The following KIF21A variants were observed in gnomAD, a reference collection of about 807,000 sequenced individuals.
The protein encoded by KIF21A is kinesin-like protein KIF21A.
Under a neutral mutation model 202.9 loss-of-function variants are expected in KIF21A, and 114 were observed. That is an observed-to-expected ratio of 0.56 (90% confidence interval 0.48 to 0.66). KIF21A has a LOEUF of 0.66. KIF21A is among the 30% of genes least tolerant of loss of function. The pLI, the probability that KIF21A is intolerant of heterozygous loss-of-function variation, is 0.00. For missense variants in KIF21A, 1,677 were observed against 1,994.9 expected, an observed-to-expected ratio of 0.84 and a Z score of 3.04; for synonymous variants, 667 against 670.8, an observed-to-expected ratio of 0.99 and a Z score of 0.09.
intron 36 of KIF21A, among the ~76,000 whole-genome samples, chr12:39,301,905 G>T (rs1190575978): frequency 6.6e-6 from 1 of 152,130 alleles, no homozygotes; most frequent in East Asian, 1.9e-4. Flanking sequence ...GCATATAAGG[G>T]CTATAATCTA....
chr12:39,365,661 CAT>C (rs984797401), intron 6 of KIF21A, among the ~76,000 whole-genome samples: 1 of 152,204 alleles, frequency 6.6e-6, no homozygotes, highest in Admixed American at 6.5e-5. Flanking sequence ...AAGTGACTGT[CAT>C]AAAATGTTAT....
At chr12:39,350,105 T>C (rs966568073) in intron 11 of KIF21A, among the ~76,000 whole-genome samples, 3 of 152,024 alleles carry the variant, frequency 2.0e-5, no homozygotes, top group Non-Finnish European at 4.4e-5. Context: ...TCTAATTATG[T>C]GTCTTTTTGT....
At chr12:39,413,980 A>C (rs1282047845) in intron 1 of KIF21A, among the ~76,000 whole-genome samples, 1 of 152,170 alleles carries the variant, frequency 6.6e-6, no homozygotes, top group Non-Finnish European at 1.5e-5. Flanking sequence ...ATTTTAAAAA[A>C]TTTACTTGTT....
At chr12:39,333,431 C>G in intron 17 of KIF21A, 151 bp from the exon 18 acceptor site, 1 of 654,508 alleles carries the variant, frequency 1.5e-6, no homozygotes, top group Non-Finnish European at 2.7e-6. Flanking sequence ...ATTACAGGTA[C>G]AGCTATTTTA....
chr12:39,353,385 A>G (rs1055671324), intron 10 of KIF21A, among the ~76,000 whole-genome samples: 2 of 152,158 alleles, frequency 1.3e-5, no homozygotes, highest in African/African-American at 4.8e-5. Context: ...GAGCAGAACA[A>G]TTACAGTGTT....
At chr12:39,360,334 C>T (rs1171127817) in intron 7 of KIF21A, among the ~76,000 whole-genome samples, 1 of 151,714 alleles carries the variant, frequency 6.6e-6, no homozygotes, top group East Asian at 1.9e-4. Context: ...AGTTATACTA[C>T]ACATCTTGAA....
rs1336933650 is a variant in KIF21A at position 39,337,206 on chromosome 12, A to G, written c.2311-3T>C. The G allele has an allele frequency of 6.3e-7, 1 of 1,575,370 alleles. No homozygotes were observed. Among genetic ancestry groups the G allele is most frequent in the Admixed American group, 1.7e-5 (1 of 59,918 alleles). Reference sequence around the variant, plus strand: ...TTCATTTGTTTCATTAGGCGAACCTAACCAATTAGGTATAGACATCTATTG... The same window carrying G: ...TTCATTTGTTTCATTAGGCGAACCTGACCAATTAGGTATAGACATCTATTG... On this transcript the variant is annotated splice_polypyrimidine_tract_variant and splice_region_variant and intron_variant, in intron 16 of 37. Coordinates refer to ENST00000361418, the MANE Select transcript of KIF21A (RefSeq NM_001173464.2).
At chr12:39,358,032 T>C in intron 8 of KIF21A, 146 bp downstream of exon 8, 1 of 611,462 alleles carries the variant, frequency 1.6e-6, no homozygotes, top group Non-Finnish European at 2.9e-6. Context: ...CAAGGAAAAC[T>C]AGAGACTCTT....
intron 1 of KIF21A, among the ~76,000 whole-genome samples, chr12:39,403,336 A>C (rs1319426649): frequency 6.6e-6 from 1 of 152,260 alleles, no homozygotes; most frequent in East Asian, 1.9e-4. Context: ...CCAAAATCTA[A>C]TCAGCATACT....
intron 10 of KIF21A, among the ~76,000 whole-genome samples, chr12:39,355,707 T>TTTTATATATATATATATATATATATA (rs1351512351): frequency 3.3e-4 from 33 of 101,226 alleles, no homozygotes; most frequent in South Asian, 1.6e-3. Context: ...GCATGAACAA[T>TTTTATATATATATATATATATATATA]TATATATATA....
chr12:39,327,011 G>T (rs1407499439), intron 24 of KIF21A, among the ~76,000 whole-genome samples: 1 of 151,936 alleles, frequency 6.6e-6, no homozygotes, highest in Non-Finnish European at 1.5e-5. Flanking sequence ...ATATAAAACT[G>T]TTAGGAAGTC....
Position 39,340,222 on chromosome 12 carries a change from C to T in KIF21A, c.2253G>A (p.Gln751=). ...EHARLLKNQS[Q]YEKQLKKLQQ... is the part of the protein sequence containing the mutation. ...GCAATTTCTTCAATTGCTTTTCATA[C>T]TGAGACTGATTTTTAAGCAACCTTG... is the stretch of plus-strand genomic sequence containing the variant. The change falls in exon 16 of 38, where the codon CAG becomes CAA. Residue 751 remains glutamine (Q), a synonymous_variant. Transcript: ENST00000361418. 6.2e-7 allele frequency: 1 copy of T among 1,613,140 alleles called. No homozygotes were observed. Among genetic ancestry groups the T allele is most frequent in the Non-Finnish European group, 8.5e-7 (1 of 1,179,626 alleles).
At chr12:39,393,309 G>C (rs1042323547) in intron 1 of KIF21A, among the ~76,000 whole-genome samples, 6 of 152,182 alleles carry the variant, frequency 3.9e-5, no homozygotes, top group African/African-American at 1.4e-4. Context: ...GCAGGATCTG[G>C]CTTCCCAGTA....
At chr12:39,313,020 G>A (rs964536132) in intron 31 of KIF21A, among the ~76,000 whole-genome samples, 9 of 151,936 alleles carry the variant, frequency 5.9e-5, no homozygotes, top group African/African-American at 1.9e-4. Context: ...CTTAATGAAA[G>A]AGAATAATCT....
At chr12:39,349,891 T>C (rs1460563225) in intron 11 of KIF21A, among the ~76,000 whole-genome samples, 1 of 152,018 alleles carries the variant, frequency 6.6e-6, no homozygotes, top group African/African-American at 2.4e-5. Flanking sequence ...ATTTTTTAGA[T>C]TCACAAATTA....
intron 34 of KIF21A, among the ~76,000 whole-genome samples, chr12:39,305,766 T>C (rs1943412217): frequency 6.6e-6 from 1 of 152,218 alleles, no homozygotes; most frequent in Non-Finnish European, 1.5e-5. Context: ...GTGATAGGCA[T>C]AGGACTGATT....
chr12:39,330,228 C>T lies in KIF21A; in HGVS notation c.3340+14G>A. 1.2e-6 allele frequency: 2 copies of T among 1,609,316 alleles called. No homozygotes were observed. Among genetic ancestry groups the T allele is most frequent in the Non-Finnish European group, 8.5e-7 (1 of 1,175,898 alleles). On this transcript the variant is annotated intron_variant, in intron 24 of 37. Transcript: ENST00000361418. ...ATGCAGCTGTAGGATACACAGAAAG[C>T]TAAACATACTTACCTAATGGTACGC...
Position 39,357,538 on chromosome 12 carries a change from C to T in KIF21A, c.1216-101G>A. 1.6e-5 allele frequency: 16 copies of T among 1,019,398 alleles called. No individual in the cohort carries two copies. The South Asian group carries it at 1.6e-4, about 10-fold the overall frequency. 63.1% of individuals were successfully genotyped at this position (1,019,398 alleles called of 1,614,324 possible). On this transcript the variant is annotated intron_variant, in intron 8 of 37. Transcript: ENST00000361418. ...AACTATACAATTCTCTAACCAAGAGCGTTTTCATCTTACCAACCCCAAGGC... is the reference window on the plus strand; with the variant it reads ...AACTATACAATTCTCTAACCAAGAGTGTTTTCATCTTACCAACCCCAAGGC...
chr12:39,318,061 A>G lies in KIF21A; in HGVS notation c.3908+12T>C, dbSNP rs1359989668. ...ATATAAATAATTGGGGCTCTTTTCC[A>G]TAATGACTTACTTATCCTGCTGAAC... On this transcript the variant is annotated intron_variant, in intron 29 of 37. Transcript: ENST00000361418. 1 of 1,610,968 alleles carries G rather than the reference A, an allele frequency of 6.2e-7. No individual in the cohort carries two copies. Among genetic ancestry groups the G allele is most frequent in the South Asian group, 1.1e-5 (1 of 91,046 alleles).
Sources: gnomAD v4.1 joint callset for allele counts (sites outside exome capture counted in the v4.1 genomes callset) on GRCh38, gnomAD v4.1.1 for gene constraint, MANE v1.5 for transcripts, NCBI Gene and HGNC (gene_info 2026-07-23, HGNC 2026-07-21) for gene names.